FAIM2: variants seen among roughly 807,000 people sequenced by gnomAD.
FAIM2 encodes the protein protein lifeguard 2.
Under a neutral mutation model 47.4 loss-of-function variants are expected in FAIM2, and 27 were observed. The ratio of observed to expected loss-of-function variants is 0.57; its 90% CI spans 0.42 to 0.78. FAIM2 has a LOEUF of 0.78. Among genes scored for constraint, FAIM2 ranks in the 30% least tolerant of loss-of-function variants. The pLI is 0.00. For synonymous variants in FAIM2, 156 were observed against 159.3 expected (o/e 0.98, Z 0.16); for missense variants, 311 against 389.4 (o/e 0.80, Z 1.69).
Position 49,879,542 on chromosome 12 carries a change from GTGTA to G in FAIM2, c.801+7840_801+7843del, listed in dbSNP as rs1317075514. ...TGTGTGTCCATGTGTATATATGTGAGTGTATGGGTGTATGTGCATGCATGTATAT... is the reference window on the plus strand; with the variant it reads ...TGTGTGTCCATGTGTATATATGTGAGTGGGTGTATGTGCATGCATGTATAT... On this transcript the variant is annotated intron_variant, in intron 11 of 11. Coordinates refer to ENST00000320634, the MANE Select transcript of FAIM2 (RefSeq NM_012306.4). 6.6e-5 allele frequency among the ~76,000 whole-genome samples: 10 copies of G among 151,644 alleles called. No individual in the cohort carries two copies. In the East Asian group the frequency reaches 1.2e-3, roughly 18 times the overall value.
At chr12:49,882,214 A>G (rs1946830770) in intron 11 of FAIM2, among the ~76,000 whole-genome samples, 1 of 152,144 alleles carries the variant, frequency 6.6e-6, no homozygotes, top group African/African-American at 2.4e-5. Flanking sequence ...GAATTCCCCA[A>G]AGGCTACGGT....
At chr12:49,876,238 C>T (rs893649590) in intron 11 of FAIM2, among the ~76,000 whole-genome samples, 2 of 152,148 alleles carry the variant, frequency 1.3e-5, no homozygotes, top group African/African-American at 4.8e-5. Context: ...TATATGAATG[C>T]ATCCAAAAGC....
chr12:49,900,278 C>T (rs898632798), intron 2 of FAIM2: 57 of 1,201,518 alleles, frequency 4.7e-5, no homozygotes, highest in Non-Finnish European at 6.1e-5. Flanking sequence ...CTGTCTGGGG[C>T]ATTGTCTCTG....
At chr12:49,886,126 G>A (rs1946859429) in intron 11 of FAIM2, among the ~76,000 whole-genome samples, 1 of 152,204 alleles carries the variant, frequency 6.6e-6, no homozygotes, top group African/African-American at 2.4e-5. Flanking sequence ...TCTGGTTACT[G>A]CTTCCATTGT....
intron 11 of FAIM2, among the ~76,000 whole-genome samples, chr12:49,876,332 T>C (rs780853832): frequency 1.3e-5 from 2 of 152,154 alleles, no homozygotes; most frequent in East Asian, 1.9e-4. Context: ...CATAACTCGG[T>C]GAGTCCACAC....
chr12:49,881,689 G>A (rs1382674345), intron 11 of FAIM2, among the ~76,000 whole-genome samples: 2 of 152,192 alleles, frequency 1.3e-5, no homozygotes, highest in Non-Finnish European at 2.9e-5. Context: ...GGAGGATTCG[G>A]CCACTCTGAG....
At chr12:49,894,792 CA>C (rs1426240008) in intron 5 of FAIM2, among the ~76,000 whole-genome samples, 7 of 152,204 alleles carry the variant, frequency 4.6e-5, no homozygotes, top group Admixed American at 1.3e-4. Context: ...TCACTTTCCT[CA>C]ACTGTTAAAT....
At chr12:49,889,699 C>T in intron 8 of FAIM2, 131 bp from the exon 9 acceptor site, 1 of 714,396 alleles carries the variant, frequency 1.4e-6, no homozygotes, top group Non-Finnish European at 2.5e-6. Context: ...GCCCTTTCCC[C>T]AGATCCCTCT....
chr12:49,885,801 A>G (rs553686137), intron 11 of FAIM2, among the ~76,000 whole-genome samples: 1 of 152,174 alleles, frequency 6.6e-6, no homozygotes, highest in Admixed American at 6.5e-5. Flanking sequence ...ATTCTACAAT[A>G]CTGGCTGTGT....
At chr12:49,900,257 G>T (rs1398339212) in intron 2 of FAIM2, 1 of 1,270,788 alleles carries the variant, frequency 7.9e-7, no homozygotes, top group Non-Finnish European at 1.0e-6. Flanking sequence ...TACTCCCTAT[G>T]AGCAGAGGCT....
intron 11 of FAIM2, among the ~76,000 whole-genome samples, chr12:49,887,178 C>T (rs976764304): frequency 3.3e-5 from 5 of 152,300 alleles, no homozygotes; most frequent in South Asian, 4.1e-4. Flanking sequence ...AATCTTCCCT[C>T]CTGCCCAGGT....
intron 1 of FAIM2, chr12:49,901,811 G>A (rs1423062579): frequency 1.3e-5 from 2 of 152,558 alleles, no homozygotes; most frequent in African/African-American, 4.8e-5. Flanking sequence ...GAGAGGCAGG[G>A]CCTAGGCATC....
intron 11 of FAIM2, among the ~76,000 whole-genome samples, chr12:49,875,316 C>T (rs372934301): frequency 3.3e-5 from 5 of 152,202 alleles, no homozygotes; most frequent in East Asian, 1.9e-4. Flanking sequence ...GTGACTTGCC[C>T]GCATCACCCA....
intron 7 of FAIM2, among the ~76,000 whole-genome samples, 171 bp from the exon 8 acceptor site, chr12:49,890,325 T>C (rs1946891603): frequency 6.6e-6 from 1 of 152,130 alleles, no homozygotes; most frequent in Non-Finnish European, 1.5e-5. Context: ...GGAGTGTCCC[T>C]ACTGCCAGCT....
intron 11 of FAIM2, among the ~76,000 whole-genome samples, chr12:49,877,819 T>A (rs1380666693): frequency 6.6e-6 from 1 of 151,282 alleles, no homozygotes; most frequent in Non-Finnish European, 1.5e-5. Context: ...CGTATGTGTA[T>A]GTGTGTCTAT....
intron 11 of FAIM2, among the ~76,000 whole-genome samples, chr12:49,885,514 G>C (rs1946855099): frequency 6.6e-6 from 1 of 152,218 alleles, no homozygotes; most frequent in Non-Finnish European, 1.5e-5. Context: ...CTGGAGGGAA[G>C]AGCATGGTGC....
At chr12:49,880,467 T>TGC (rs1468596236) in intron 11 of FAIM2, among the ~76,000 whole-genome samples, 5 of 150,004 alleles carry the variant, frequency 3.3e-5, no homozygotes, top group African/African-American at 9.8e-5. Flanking sequence ...TATGTGTGTG[T>TGC]GCATGAGTGC....
chr12:49,892,874 C>G (rs1446908107), intron 5 of FAIM2, among the ~76,000 whole-genome samples: 1 of 152,238 alleles, frequency 6.6e-6, no homozygotes, highest in Non-Finnish European at 1.5e-5. Flanking sequence ...CCTGTCTCCC[C>G]TGCTCGGTCT....
chr12:49,881,598 C>T (rs73293448), intron 11 of FAIM2, among the ~76,000 whole-genome samples: 2,335 of 152,244 alleles, frequency 0.015, 62 homozygotes, highest in African/African-American at 0.053. Flanking sequence ...ACGCCAGCCC[C>T]GCCCGACCCT....
Sources: allele counts gnomAD v4.1 joint callset (sites outside exome capture counted in the v4.1 genomes callset), GRCh38; gene constraint gnomAD v4.1.1; transcripts MANE v1.5; gene names NCBI Gene and HGNC (gene_info 2026-07-23, HGNC 2026-07-21).